Variants in STON2 observed in about 807,000 individuals in gnomAD.
STON2 encodes the protein stonin-2.
Under a neutral mutation model 65.7 loss-of-function variants are expected in STON2, and 29 were observed. The observed-to-expected ratio is 0.44, with a 90% CI of 0.33 to 0.60. The LOEUF (loss-of-function observed/expected upper bound fraction) is 0.60, where lower values mean the gene tolerates loss of function less well. STON2 is among the 20% of genes least tolerant of loss of function. STON2 has a pLI of 0.03. For missense variants in STON2, 1,054 were observed against 1,118.1 expected (o/e 0.94, Z 0.82); for synonymous variants, 404 against 414.2 (o/e 0.98, Z 0.30).
In STON2 at chr14:81,264,845, A is replaced by C. The variant is rs1199753452; in HGVS notation, c.*3569T>G. 2.0e-6 allele frequency: 2 copies of C among 985,418 alleles called. No homozygotes were observed. Among genetic ancestry groups the C allele is most frequent in the Non-Finnish European group, 2.4e-6 (2 of 829,912 alleles). The allele number at this position is 985,418 out of a possible 1,614,324, so 61.0% of individuals were successfully genotyped here. A position where few individuals can be genotyped will look rare whatever the true frequency, so the allele number is the denominator to read the frequency against. ...TCTGCAAGAGCAGGCAAGGGGGATC[A>C]TCTAATGGTCTCCCCACAAAGTGCC... On this transcript the variant is annotated 3_prime_UTR_variant, in exon 8 of 8. Coordinates refer to ENST00000614646, the MANE Select transcript of STON2 (RefSeq NM_001394390.1).
chr14:81,421,688 T>C (rs1333794020), intron 2 of STON2, among the ~76,000 whole-genome samples: 1 of 152,194 alleles, frequency 6.6e-6, no homozygotes, highest in Admixed American at 6.5e-5. Context: ...GGATCAATTT[T>C]TGTACCATTT....
rs1162166073 is a variant in STON2 at position 81,266,768 on chromosome 14, C to T, written c.*1646G>A. ...AAGGAAATATTTCTCTATAAACTAC[C>T]GTGAAACCAGGTCTTCCTAACACCG... On this transcript the variant is annotated 3_prime_UTR_variant, in exon 8 of 8. Transcript: ENST00000614646. 1.8e-5 allele frequency: 18 copies of T among 985,262 alleles called. No individual in the cohort carries two copies. The Admixed American group carries it at 2.5e-4, about 13-fold the overall frequency. The allele number at this position is 985,262 out of a possible 1,614,324, so 61.0% of individuals were successfully genotyped here.
chr14:81,270,862 G>A lies in STON2; in HGVS notation c.2592C>T (p.His864=). 1 of 1,612,822 alleles carries A rather than the reference G, an allele frequency of 6.2e-7. No individual in the cohort carries two copies. Among genetic ancestry groups the A allele is most frequent in the Non-Finnish European group, 8.5e-7 (1 of 1,179,924 alleles). Residue 864 remains histidine (H), a synonymous_variant, in exon 7 of 8, where the codon CAC becomes CAT. Transcript: ENST00000614646. ...CAAGGTGGCAAAAGAAACAGTGTGG[G>A]TGACCGGAAGCTATGAAAGAAAGAC... is the stretch of plus-strand genomic sequence containing the variant. The part of the protein sequence containing the change: ...RLPDKNSASG[H]PHCFFCHLEL...
At chr14:81,268,646 T>C (rs1011158971) in intron 7 of STON2, 149 bp from the exon 8 acceptor site, 1 of 1,220,722 alleles carries the variant, frequency 8.2e-7, no homozygotes, top group South Asian at 1.5e-5. Context: ...CTACTGGCCC[T>C]GAGTATATCA....
intron 3 of STON2, among the ~76,000 whole-genome samples, chr14:81,373,877 A>G (rs781575098): frequency 5.9e-5 from 9 of 152,164 alleles, no homozygotes; most frequent in Non-Finnish European, 1.0e-4. Context: ...AAATTTTTTC[A>G]CATAGGGGTG....
At chr14:81,433,790 T>G (rs1330655841) in intron 1 of STON2, among the ~76,000 whole-genome samples, 1 of 152,208 alleles carries the variant, frequency 6.6e-6, no homozygotes, top group Non-Finnish European at 1.5e-5. Flanking sequence ...GGGGTAGAAC[T>G]ATGCCTGACT....
intron 3 of STON2, among the ~76,000 whole-genome samples, chr14:81,376,209 A>G (rs1467611449): frequency 6.6e-6 from 1 of 151,804 alleles, no homozygotes; most frequent in Non-Finnish European, 1.5e-5. Flanking sequence ...AATTATTTAA[A>G]AAATTTTAAA....
At chr14:81,338,878 A>C (rs1248595702) in intron 4 of STON2, among the ~76,000 whole-genome samples, 2 of 152,250 alleles carry the variant, frequency 1.3e-5, no homozygotes, top group East Asian at 3.9e-4. Flanking sequence ...AGGCATAATA[A>C]GGAATCAAGG....
At chr14:81,402,101 T>C (rs933329614), upstream of STON2, among the ~76,000 whole-genome samples, 5 of 152,162 alleles carry the variant, frequency 3.3e-5, no homozygotes, top group Admixed American at 6.5e-5. Context: ...AAGGGATTGA[T>C]TGACCATAAA....
intron 2 of STON2, among the ~76,000 whole-genome samples, chr14:81,411,858 T>G: frequency 7.1e-6 from 1 of 141,472 alleles, no homozygotes; most frequent in African/African-American, 2.9e-5. Flanking sequence ...ATAAGCAGAG[T>G]TAAGACAAGG....
At chr14:81,397,877 G>A (rs190283116) in intron 2 of STON2, among the ~76,000 whole-genome samples, 84 of 152,262 alleles carry the variant, frequency 5.5e-4, no homozygotes, top group African/African-American at 1.9e-3. Flanking sequence ...TATGCATGGA[G>A]AGGTTAAATA....
chr14:81,294,481 T>C (rs1895684075), intron 5 of STON2, among the ~76,000 whole-genome samples: 1 of 152,196 alleles, frequency 6.6e-6, no homozygotes, highest in African/African-American at 2.4e-5. Flanking sequence ...TGTGACCTTG[T>C]GTAAGTTACT....
chr14:81,309,428 T>G (rs1896337161), intron 5 of STON2, among the ~76,000 whole-genome samples: 1 of 152,228 alleles, frequency 6.6e-6, no homozygotes, highest in Admixed American at 6.5e-5. Context: ...CTCCAAATAC[T>G]TTCTCTATGC....
chr14:81,324,249 G>A (rs999086853), intron 4 of STON2, among the ~76,000 whole-genome samples, 62 bp from the exon 5 acceptor site: 1 of 152,182 alleles, frequency 6.6e-6, no homozygotes, highest in Non-Finnish European at 1.5e-5. Context: ...CTTCTCTGGC[G>A]GGCAGACACA....
intron 5 of STON2, among the ~76,000 whole-genome samples, chr14:81,296,448 T>C (rs191089050): frequency 1.1e-4 from 17 of 152,302 alleles, no homozygotes; most frequent in Admixed American, 5.2e-4. Context: ...CCATGAAATG[T>C]TGACAAACAT....
At chr14:81,359,085 T>A (rs540061507) in intron 4 of STON2, among the ~76,000 whole-genome samples, 16 of 152,282 alleles carry the variant, frequency 1.1e-4, no homozygotes, top group Non-Finnish European at 2.1e-4. Flanking sequence ...CAACAGAATA[T>A]ACATTCTTCT....
At chr14:81,429,479 G>A (rs116888956) in intron 1 of STON2, among the ~76,000 whole-genome samples, 1,877 of 152,324 alleles carry the variant, frequency 0.012, 11 homozygotes, top group Middle Eastern at 0.031. Context: ...CAATGAACAT[G>A]TTAAGAGGGC....
chr14:81,313,042 T>C (rs551313765), intron 5 of STON2, among the ~76,000 whole-genome samples: 1 of 152,366 alleles, frequency 6.6e-6, no homozygotes, highest in Admixed American at 6.5e-5. Flanking sequence ...TACTCCTCCC[T>C]TCCTACCTCT....
chr14:81,326,609 C>T (rs1897013017), intron 4 of STON2, among the ~76,000 whole-genome samples: 1 of 152,180 alleles, frequency 6.6e-6, no homozygotes, highest in Non-Finnish European at 1.5e-5. Context: ...TATTAATATA[C>T]AAGTTAGAAC....
Sources: allele counts gnomAD v4.1 joint callset (sites outside exome capture counted in the v4.1 genomes callset), GRCh38; gene constraint gnomAD v4.1.1; transcripts MANE v1.5; gene names NCBI Gene and HGNC (gene_info 2026-07-23, HGNC 2026-07-21).